The following DUSP22 variants were observed in gnomAD, a reference collection of about 807,000 sequenced individuals.
The protein encoded by DUSP22 is dual specificity protein phosphatase 22.
DUSP22 carries 24 observed loss-of-function variants against 24.5 expected under a neutral mutation model. The observed-to-expected ratio is 0.98, with a 90% CI of 0.71 to 1.38. DUSP22 has a LOEUF of 1.38. DUSP22 is among the 40% of genes most tolerant of loss of function. The pLI, the probability that DUSP22 is intolerant of heterozygous loss-of-function variation, is 0.00. For synonymous variants in DUSP22, 160 were observed against 106.4 expected (o/e 1.50, Z -3.10); for missense variants, 330 against 269.2 (o/e 1.23, Z -1.58).
intron 1 of DUSP22, among the ~76,000 whole-genome samples, chr6:295,897 A>G (rs935688526): frequency 7.2e-5 from 11 of 152,264 alleles, no homozygotes; most frequent in East Asian, 3.8e-4. Flanking sequence ...TATGAGGTCA[A>G]ACGACCTTAT....
Position 351,010 on chromosome 6 carries a change from GT to G in DUSP22, c.*2062del. ...TGAAGCTGAATATATACGTAGTCATGTTTATGTTGAGAACTAAGGATATTCT... is the reference window on the plus strand; with the variant it reads ...TGAAGCTGAATATATACGTAGTCATGTTATGTTGAGAACTAAGGATATTCT... On this transcript the variant is annotated 3_prime_UTR_variant, in exon 7 of 7. Coordinates refer to ENST00000419235, the MANE Select transcript of DUSP22 (RefSeq NM_001286555.3). 4.1e-6 allele frequency: 5 copies of G among 1,216,740 alleles called. No homozygotes were observed. The highest frequency in any genetic ancestry group is 1.3e-5 in the South Asian group (1 of 75,818). 75.4% of individuals were successfully genotyped at this position (1,216,740 alleles called of 1,614,324 possible).
chr6:335,710 A>G (rs1242157401), intron 4 of DUSP22, among the ~76,000 whole-genome samples: 1 of 152,304 alleles, frequency 6.6e-6, no homozygotes, highest in Non-Finnish European at 1.5e-5. Flanking sequence ...TTTCATACGA[A>G]GTCTGGGGGC....
At chr6:315,283 A>G (rs566894840) in intron 3 of DUSP22, among the ~76,000 whole-genome samples, 223 of 152,346 alleles carry the variant, frequency 1.5e-3, no homozygotes, top group African/African-American at 5.2e-3. Flanking sequence ...ACCCGTTTCT[A>G]TGCCCCACTG....
chr6:338,421 G>T (rs527500315), intron 4 of DUSP22, among the ~76,000 whole-genome samples: 26 of 152,398 alleles, frequency 1.7e-4, no homozygotes, highest in African/African-American at 6.0e-4. Context: ...CCTCAAGTTG[G>T]CAGGCAGAAC....
At chr6:346,327 G>A (rs1312573575) in intron 5 of DUSP22, among the ~76,000 whole-genome samples, 1 of 152,296 alleles carries the variant, frequency 6.6e-6, no homozygotes, top group African/African-American at 2.4e-5. Flanking sequence ...TTCTTCAGGA[G>A]ACTTGATTGC....
intron 1 of DUSP22, among the ~76,000 whole-genome samples, chr6:296,660 T>C (rs1757344751): frequency 1.3e-5 from 2 of 152,302 alleles, no homozygotes; most frequent in African/African-American, 4.8e-5. Context: ...TACTTATTAG[T>C]CTTCAGTACT....
chr6:299,690 A>G (rs1347262203), intron 1 of DUSP22, among the ~76,000 whole-genome samples: 1 of 152,304 alleles, frequency 6.6e-6, no homozygotes, highest in Non-Finnish European at 1.5e-5. Context: ...TTTAAAATGT[A>G]TGTAAAATAC....
intron 3 of DUSP22, among the ~76,000 whole-genome samples, chr6:328,258 C>G (rs1223353376): frequency 2.6e-5 from 4 of 152,298 alleles, no homozygotes; most frequent in African/African-American, 9.6e-5. Flanking sequence ...TCAGCAAGTC[C>G]TGCAGCTGAA....
chr6:310,307 T>G (rs1267347899), intron 2 of DUSP22, among the ~76,000 whole-genome samples: 3 of 152,298 alleles, frequency 2.0e-5, no homozygotes, highest in Admixed American at 2.0e-4. Flanking sequence ...TTTAGGAAAG[T>G]TCAGCCAGGC....
chr6:307,577 A>T (rs1326850746), intron 2 of DUSP22, among the ~76,000 whole-genome samples: 2 of 152,414 alleles, frequency 1.3e-5, no homozygotes, highest in South Asian at 2.1e-4. Flanking sequence ...CTTGCCCAGA[A>T]GCCAGGAGGG....
At chr6:302,211 C>A (rs1488570246) in intron 1 of DUSP22, among the ~76,000 whole-genome samples, 2 of 152,308 alleles carry the variant, frequency 1.3e-5, no homozygotes, top group Non-Finnish European at 1.5e-5. Context: ...TTTTTCATAC[C>A]ATTTTCAAGA....
chr6:319,209 A>G (rs1393001983), intron 3 of DUSP22, among the ~76,000 whole-genome samples: 2 of 152,308 alleles, frequency 1.3e-5, no homozygotes, highest in Admixed American at 1.3e-4. Context: ...GAGTGAAGAC[A>G]GTGGGAGAAA....
At chr6:302,898 A>G (rs1263392223) in intron 1 of DUSP22, among the ~76,000 whole-genome samples, 2 of 152,306 alleles carry the variant, frequency 1.3e-5, no homozygotes, top group African/African-American at 2.4e-5. Context: ...CACTCAGGGG[A>G]ACTGGATTAG....
At chr6:296,159 G>C (rs1757319245) in intron 1 of DUSP22, among the ~76,000 whole-genome samples, 1 of 152,304 alleles carries the variant, frequency 6.6e-6, no homozygotes, top group Non-Finnish European at 1.5e-5. Context: ...GATAAGGAAG[G>C]GGGTAATTAC....
At chr6:345,950 T>G in intron 5 of DUSP22, 22 bp downstream of exon 5, 3 of 1,613,682 alleles carry the variant, frequency 1.9e-6, no homozygotes, top group Admixed American at 1.7e-5. Context: ...TCTTGCTTAA[T>G]AGCGCCTTAG....
At chr6:336,520 T>C (rs1434066712) in intron 4 of DUSP22, among the ~76,000 whole-genome samples, 1 of 152,224 alleles carries the variant, frequency 6.6e-6, no homozygotes, top group African/African-American at 2.4e-5. Context: ...AAATCACAGG[T>C]TATGCGATAA....
At chr6:338,889 C>T (rs1489357755) in intron 4 of DUSP22, among the ~76,000 whole-genome samples, 6 of 152,306 alleles carry the variant, frequency 3.9e-5, no homozygotes, top group Non-Finnish European at 8.8e-5. Flanking sequence ...ACTTGACATT[C>T]AGTTGCTGCA....
At chr6:339,243 C>A (rs1759489878) in intron 4 of DUSP22, among the ~76,000 whole-genome samples, 1 of 152,306 alleles carries the variant, frequency 6.6e-6, no homozygotes, top group South Asian at 2.1e-4. Context: ...TACTCACTTG[C>A]TTTTGCTTTC....
At chr6:313,137 G>C (rs957824512) in intron 3 of DUSP22, among the ~76,000 whole-genome samples, 3 of 152,308 alleles carry the variant, frequency 2.0e-5, no homozygotes, top group Admixed American at 2.0e-4. Context: ...GCCAAGCTAT[G>C]GCCAAGATGC....
Sources: allele counts gnomAD v4.1 joint callset (sites outside exome capture counted in the v4.1 genomes callset), GRCh38; gene constraint gnomAD v4.1.1; transcripts MANE v1.5; gene names NCBI Gene and HGNC (gene_info 2026-07-23, HGNC 2026-07-21).